ACO1: variants seen among roughly 807,000 people sequenced by gnomAD.
The protein encoded by ACO1 is aconitase 1.
Under a neutral mutation model 105.1 loss-of-function variants are expected in ACO1, and 78 were observed. The observed-to-expected ratio is 0.74, with a 90% CI of 0.62 to 0.90. The LOEUF (loss-of-function observed/expected upper bound fraction) is 0.90. ACO1 is among the 40% of genes least tolerant of loss of function. The pLI is 0.00. For missense variants in ACO1, 965 were observed against 1,111.1 expected (o/e 0.87, Z 1.87); for synonymous variants, 364 against 397.4 (o/e 0.92, Z 1.00).
intron 17 of ACO1, among the ~76,000 whole-genome samples, chr9:32,435,278 A>G (rs1430260636): frequency 6.6e-6 from 1 of 152,212 alleles, no homozygotes; most frequent in Admixed American, 6.5e-5. Flanking sequence ...CTGCTGAATC[A>G]GTTCTTTCAG....
intron 4 of ACO1, among the ~76,000 whole-genome samples, chr9:32,410,593 G>GA (rs1242218103): frequency 1.3e-5 from 2 of 150,692 alleles, no homozygotes; most frequent in South Asian, 2.1e-4. Flanking sequence ...AGTTAAACTT[G>GA]AAAAAAAAAG....
intron 19 of ACO1, among the ~76,000 whole-genome samples, chr9:32,444,458 C>CTATT (rs1440065777): frequency 4.5e-4 from 69 of 152,256 alleles, no homozygotes; most frequent in Non-Finnish European, 1.5e-5. Context: ...AAAAGCATTC[C>CTATT]TATTTCTCCC....
At chr9:32,415,239 A>G (rs761148914) in intron 4 of ACO1, among the ~76,000 whole-genome samples, 10 of 152,232 alleles carry the variant, frequency 6.6e-5, no homozygotes, top group Non-Finnish European at 1.5e-4. Context: ...TTACTTTATA[A>G]GAAAATGGGA....
intron 17 of ACO1, among the ~76,000 whole-genome samples, chr9:32,435,700 A>T (rs1554662957): frequency 6.6e-6 from 1 of 152,138 alleles, no homozygotes; most frequent in Non-Finnish European, 1.5e-5. Context: ...CCTCTTTAGC[A>T]CTGCCTCGAT....
In ACO1 at chr9:32,425,825, T is replaced by C. The variant is rs1182556613; in HGVS notation, c.1189-13T>C. On this transcript the variant is annotated splice_polypyrimidine_tract_variant and intron_variant, in intron 10 of 20. Coordinates refer to ENST00000309951, the MANE Select transcript of ACO1 (RefSeq NM_002197.3). ...ATATATTCCTATATAATATACATTT[T>C]TTCTTCCTTTAGCAAGGATTTAAAG... is the stretch of plus-strand genomic sequence containing the variant. 8.8e-6 allele frequency: 14 copies of C among 1,587,964 alleles called. No individual in the cohort carries two copies. In the East Asian group the frequency reaches 3.1e-4, roughly 36 times the overall value.
rs1822437037 is a variant in ACO1 at position 32,439,694 on chromosome 9, A to T, written c.2248-771A>T. Among the ~76,000 whole-genome samples, 1 of 152,208 alleles carries T rather than the reference A, an allele frequency of 6.6e-6. No individual in the cohort carries two copies. Reference sequence around the variant, plus strand: ...CTCTTCCCTTGACCTCCATGAAGAAAGGGGACTGATAAAAGTTTGCACTTT... The same window carrying T: ...CTCTTCCCTTGACCTCCATGAAGAATGGGGACTGATAAAAGTTTGCACTTT... On this transcript the variant is annotated intron_variant, in intron 18 of 20. Coordinates refer to ENST00000309951, the MANE Select transcript of ACO1 (RefSeq NM_002197.3). This position sits in a 1 kb window ranked among gnomAD's most constrained non-coding sequence, Gnocchi z 4.0.
intron 12 of ACO1, 70 bp from the exon 13 acceptor site, chr9:32,429,349 G>T: frequency 1.4e-6 from 2 of 1,427,658 alleles, no homozygotes; most frequent in Non-Finnish European, 2.0e-6. Context: ...TCTGGAAACT[G>T]TGGCCAGCAG....
chr9:32,411,824 T>C (rs1821745029), intron 4 of ACO1, among the ~76,000 whole-genome samples: 1 of 152,222 alleles, frequency 6.6e-6, no homozygotes, highest in South Asian at 2.1e-4. Context: ...GAAATTTCTA[T>C]ATCCTTTGTC....
intron 2 of ACO1, among the ~76,000 whole-genome samples, chr9:32,406,360 G>A (rs1821610250): frequency 6.6e-6 from 1 of 152,174 alleles, no homozygotes; most frequent in Non-Finnish European, 1.5e-5. Context: ...GTTGGCTCAT[G>A]CCTGTAATCC....
intron 12 of ACO1, 38 bp downstream of exon 12, chr9:32,427,474 G>T (rs1343511280): frequency 6.2e-7 from 1 of 1,613,422 alleles, no homozygotes. Context: ...TGCTTTTGTT[G>T]AATTGTATCC....
In ACO1 at chr9:32,452,380, A is replaced by AGAT. The variant is rs370229458; in HGVS notation, c.*2270_*2272dup. 6.6e-6 allele frequency: 1 copy of AGAT among 152,216 alleles called. No homozygotes were observed. The highest frequency in any genetic ancestry group is 2.4e-5 in the African/African-American group (1 of 41,458). The allele number at this position is 152,216 out of a possible 1,614,324, so 9.4% of individuals were successfully genotyped here. On this transcript the variant is annotated 3_prime_UTR_variant, in exon 21 of 21. Transcript: ENST00000309951. Reference sequence around the variant, plus strand: ...GGTAGTGCCTTTTAAAAGAGACTCAAGATAAGATAGAGACCCCCTCATTTC... The same window carrying AGAT: ...GGTAGTGCCTTTTAAAAGAGACTCAAGATGATAAGATAGAGACCCCCTCATTTC...
chr9:32,417,534 C>A lies in ACO1; in HGVS notation c.405-594C>A, dbSNP rs1423591360. 2.0e-5 allele frequency among the ~76,000 whole-genome samples: 3 copies of A among 152,172 alleles called. No individual in the cohort carries two copies. In the East Asian group the frequency reaches 5.8e-4, roughly 29 times the overall value. On this transcript the variant is annotated intron_variant, in intron 4 of 20. Transcript: ENST00000309951. Reference sequence around the variant, plus strand: ...GAAAATCTTGGTGCCCTGTGTTGTCCTGATGGACTGAATGACGTTGAGTAA... The same window carrying A: ...GAAAATCTTGGTGCCCTGTGTTGTCATGATGGACTGAATGACGTTGAGTAA...
intron 7 of ACO1, 121 bp downstream of exon 7, chr9:32,419,298 G>A (rs1054327338): frequency 4.7e-5 from 53 of 1,129,820 alleles, no homozygotes; most frequent in Admixed American, 6.4e-5. Flanking sequence ...AGGAAACAAG[G>A]TTGATGATTT....
intron 19 of ACO1, among the ~76,000 whole-genome samples, 156 bp downstream of exon 19, chr9:32,440,743 T>C (rs1359437160): frequency 6.6e-6 from 1 of 152,198 alleles, no homozygotes; most frequent in Non-Finnish European, 1.5e-5. Context: ...TCTTGGTGCC[T>C]CTGGATTTAT....
At chr9:32,430,333 G>A (rs1458215567) in intron 13 of ACO1, 85 bp from the exon 14 acceptor site, 14 of 1,376,050 alleles carry the variant, frequency 1.0e-5, no homozygotes, top group Middle Eastern at 2.0e-4. Context: ...GTATCCTTGC[G>A]ATGTGGAAAC....
intron 8 of ACO1, among the ~76,000 whole-genome samples, chr9:32,422,567 C>G (rs1019061879): frequency 6.6e-6 from 1 of 152,154 alleles, no homozygotes; most frequent in Non-Finnish European, 1.5e-5. Flanking sequence ...GTCCGTTGGG[C>G]ATACTTCATG....
intron 1 of ACO1, among the ~76,000 whole-genome samples, chr9:32,404,929 T>C (rs772340306): frequency 2.6e-5 from 4 of 152,246 alleles, no homozygotes; most frequent in Non-Finnish European, 5.9e-5. Context: ...ATAATTCTAA[T>C]GCAGATGGCC....
chr9:32,402,328 CCATA>C (rs1209356922), intron 1 of ACO1, among the ~76,000 whole-genome samples: 1 of 152,148 alleles, frequency 6.6e-6, no homozygotes, highest in Non-Finnish European at 1.5e-5. Flanking sequence ...AAGAAAAACA[CCATA>C]TATATTTAGA....
intron 19 of ACO1, among the ~76,000 whole-genome samples, chr9:32,444,128 T>G (rs944739406): frequency 6.6e-6 from 1 of 152,240 alleles, no homozygotes; most frequent in Non-Finnish European, 1.5e-5. Context: ...GCTTCATCCA[T>G]GTCCCTGCAA....
Sources: gnomAD v4.1 joint callset for allele counts (sites outside exome capture counted in the v4.1 genomes callset) on GRCh38, gnomAD v4.1.1 for gene constraint, Gnocchi (gnomAD v3.1) non-coding constraint, MANE v1.5 for transcripts, NCBI Gene and HGNC (gene_info 2026-07-23, HGNC 2026-07-21) for gene names.